PTPN4: variants seen among roughly 807,000 people sequenced by gnomAD.
The protein encoded by PTPN4 is protein tyrosine phosphatase non-receptor type 4.
A neutral mutation model predicts 135.5 loss-of-function variants in PTPN4; 49 were observed. That is an observed-to-expected ratio of 0.36 (90% CI 0.29 to 0.46). The LOEUF (loss-of-function observed/expected upper bound fraction) is 0.46. Among genes scored for constraint, PTPN4 ranks in the 20% least tolerant of loss-of-function variants. PTPN4 has a pLI of 1.00. For synonymous variants in PTPN4, 333 were observed against 369.9 expected (o/e 0.90, Z 1.14); for missense variants, 860 against 1,101.0 (o/e 0.78, Z 3.10).
At chr2:119,969,987 G>A (rs1465908490) in intron 26 of PTPN4, among the ~76,000 whole-genome samples, 1 of 152,162 alleles carries the variant, frequency 6.6e-6, no homozygotes, top group Non-Finnish European at 1.5e-5. Flanking sequence ...GCCGCTTAAA[G>A]TATACAATTC....
chr2:119,793,846 G>GTTTTTTTT lies in PTPN4; in HGVS notation c.-17-15969_-17-15962dup, dbSNP rs55956611. Among the ~76,000 whole-genome samples the GTTTTTTTT allele has an allele frequency of 1.6e-4, 4 of 24,798 alleles. 1 individual carries two copies. Among genetic ancestry groups the GTTTTTTTT allele is most frequent in the African/African-American group, 5.5e-4 (3 of 5,410 alleles). The allele number at this position is 24,798 out of a possible 152,430, so 16.3% of individuals were successfully genotyped here. A position where few individuals can be genotyped will look rare whatever the true frequency, so the allele number is the denominator to read the frequency against. On this transcript the variant is annotated intron_variant, in intron 1 of 26. Transcript: ENST00000263708. Reference sequence around the variant, plus strand: ...AGTTTGTTTATTTGTTTCATTTTTAGTTTTTTTTTTTTTTTTTTTTTTTTT... The same window carrying GTTTTTTTT: ...AGTTTGTTTATTTGTTTCATTTTTAGTTTTTTTTTTTTTTTTTTTTTTTTTTTTTTTTT...
chr2:119,885,373 G>T (rs1678141250), intron 8 of PTPN4, among the ~76,000 whole-genome samples: 1 of 152,158 alleles, frequency 6.6e-6, no homozygotes, highest in South Asian at 2.1e-4. Flanking sequence ...ATCAACCTCT[G>T]TCTGTGCACC....
At chr2:119,779,839 G>A in intron 1 of PTPN4, among the ~76,000 whole-genome samples, 1 of 152,114 alleles carries the variant, frequency 6.6e-6, no homozygotes, top group Non-Finnish European at 1.5e-5. Context: ...CGATTTCCCA[G>A]GCTCAAGTGA....
chr2:119,976,396 T>C (rs908670090), intron 26 of PTPN4, among the ~76,000 whole-genome samples: 1 of 152,164 alleles, frequency 6.6e-6, no homozygotes, highest in Non-Finnish European at 1.5e-5. Context: ...TTTATAAAGG[T>C]AATATAATAT....
Position 119,881,794 on chromosome 2 carries a change from AT to A in PTPN4, c.383del (p.Leu128CysfsTer22). 1 of 1,561,656 alleles carries A rather than the reference AT, an allele frequency of 6.4e-7. No homozygotes were observed. The highest frequency in any genetic ancestry group is 8.8e-7 in the Non-Finnish European group (1 of 1,141,388). On this transcript the variant is annotated frameshift_variant, in exon 6 of 27. Coordinates refer to ENST00000263708, the MANE Select transcript of PTPN4 (RefSeq NM_002830.4). LOFTEE classifies it high-confidence loss of function. ...KLQEEYTRYQ[Y>X]FLQIKQDILT... ...GTTTGTTTGTTTTTAAGGTACCAGT[AT>A]TTTTTGCAAATTAAACAAGACATTC... is the stretch of plus-strand genomic sequence containing the variant.
chr2:119,781,390 A>G (rs1461299058), intron 1 of PTPN4, among the ~76,000 whole-genome samples: 2 of 152,228 alleles, frequency 1.3e-5, no homozygotes, highest in South Asian at 4.1e-4. Flanking sequence ...CTCTGATGCC[A>G]TATCTGACCT....
At chr2:119,957,190 A>C (rs565257706) in intron 22 of PTPN4, 113 bp downstream of exon 22, 7 of 966,366 alleles carry the variant, frequency 7.2e-6, no homozygotes, top group Non-Finnish European at 1.1e-5. Flanking sequence ...ACTTTCAGCT[A>C]TGAAAAATAT....
At chr2:119,913,483 A>G (rs901365340) in intron 10 of PTPN4, among the ~76,000 whole-genome samples, 1 of 152,118 alleles carries the variant, frequency 6.6e-6, no homozygotes, top group Non-Finnish European at 1.5e-5. Context: ...GGATTATTCA[A>G]ACTGGATTTT....
chr2:119,808,027 C>G (rs6499360), intron 1 of PTPN4, among the ~76,000 whole-genome samples: 5 of 152,296 alleles, frequency 3.3e-5, no homozygotes, highest in African/African-American at 1.2e-4. Flanking sequence ...ATTCAACAGC[C>G]TTTCATGCTA....
At chr2:119,898,374 G>A (rs113828046) in intron 9 of PTPN4, among the ~76,000 whole-genome samples, 3,521 of 152,248 alleles carry the variant, frequency 0.023, 126 homozygotes, top group African/African-American at 0.077. Flanking sequence ...TCATAAAAAT[G>A]GCCTGGCTAG....
At chr2:119,916,074 C>T (rs1001931697) in intron 11 of PTPN4, 3 of 151,926 alleles carry the variant, frequency 2.0e-5, no homozygotes, top group Admixed American at 1.3e-4. Context: ...ATGATGTGTG[C>T]CTCTAGTCCC....
intron 2 of PTPN4, among the ~76,000 whole-genome samples, chr2:119,854,509 G>T (rs902051356): frequency 6.6e-6 from 1 of 152,076 alleles, no homozygotes; most frequent in Non-Finnish European, 1.5e-5. Context: ...ACTCTTTCTG[G>T]CCACTTCCTG....
At chr2:119,830,909 G>A (rs1455403169) in intron 2 of PTPN4, among the ~76,000 whole-genome samples, 4 of 152,178 alleles carry the variant, frequency 2.6e-5, no homozygotes, top group African/African-American at 9.7e-5. Flanking sequence ...GGAACTGTGA[G>A]CCAATTAAAC....
At chr2:119,846,916 T>C (rs964589947) in intron 2 of PTPN4, among the ~76,000 whole-genome samples, 2 of 144,410 alleles carry the variant, frequency 1.4e-5, no homozygotes, top group East Asian at 3.9e-4. Flanking sequence ...ATTATTCTTA[T>C]ATATACATAT....
intron 6 of PTPN4, 27 bp downstream of exon 6, chr2:119,881,857 T>A (rs963058045): frequency 4.1e-6 from 6 of 1,469,854 alleles, no homozygotes; most frequent in African/African-American, 2.8e-5. Context: ...TCTTAAAAAA[T>A]TTTTTGTAAT....
chr2:119,767,289 A>C (rs1690645621), intron 1 of PTPN4, among the ~76,000 whole-genome samples: 1 of 152,174 alleles, frequency 6.6e-6, no homozygotes, highest in African/African-American at 2.4e-5. Context: ...CCTACATTTT[A>C]ATCCTTATTT....
chr2:119,870,377 G>A (rs1361377890), intron 3 of PTPN4, among the ~76,000 whole-genome samples: 4 of 152,104 alleles, frequency 2.6e-5, no homozygotes, highest in African/African-American at 7.2e-5. Flanking sequence ...TGCTCATAAT[G>A]AGGAATGCTC....
intron 26 of PTPN4, among the ~76,000 whole-genome samples, chr2:119,973,899 G>A (rs899021245): frequency 1.3e-5 from 2 of 151,428 alleles, no homozygotes; most frequent in African/African-American, 2.4e-5. Flanking sequence ...ATCAATCCCT[G>A]CATTCATTAA....
At chr2:119,925,391 T>C (rs182917209) in intron 12 of PTPN4, among the ~76,000 whole-genome samples, 28 of 152,340 alleles carry the variant, frequency 1.8e-4, no homozygotes, top group Admixed American at 1.7e-3. Context: ...ATATACATAA[T>C]TGTGTATATT....
Sources: allele counts gnomAD v4.1 joint callset (sites outside exome capture counted in the v4.1 genomes callset), GRCh38; gene constraint gnomAD v4.1.1; transcripts MANE v1.5; gene names NCBI Gene and HGNC (gene_info 2026-07-23, HGNC 2026-07-21).